Variants in ANKDD1B observed in about 807,000 individuals in gnomAD.
ANKDD1B encodes ankyrin repeat and death domain containing 1B.
ANKDD1B carries 57 observed loss-of-function variants against 59.7 expected under a neutral mutation model. That is an observed-to-expected ratio of 0.95 (90% CI 0.77 to 1.19). ANKDD1B has a LOEUF of 1.19. Among genes scored for constraint, ANKDD1B ranks in the 50% most tolerant of loss-of-function variants. ANKDD1B has a pLI of 0.00. For missense variants in ANKDD1B, 602 were observed against 641.9 expected, an observed-to-expected ratio of 0.94 and a Z score of 0.67; for synonymous variants, 216 against 239.5, an observed-to-expected ratio of 0.90 and a Z score of 0.91.
At chr5:75,627,998 T>G (rs2112968721) in intron 5 of ANKDD1B, among the ~76,000 whole-genome samples, 1 of 152,328 alleles carries the variant, frequency 6.6e-6, no homozygotes, top group South Asian at 2.1e-4. Context: ...TGCAAGATCT[T>G]AAACTGAGTT....
intron 12 of ANKDD1B, 60 bp downstream of exon 12, chr5:75,667,053 C>G: frequency 8.6e-7 from 1 of 1,161,338 alleles, no homozygotes; most frequent in South Asian, 2.0e-5. Flanking sequence ...AGCAGTGCCT[C>G]CTGGTGTGAG....
chr5:75,652,714 C>G (rs1378758688), intron 7 of ANKDD1B, among the ~76,000 whole-genome samples: 8 of 152,238 alleles, frequency 5.3e-5, no homozygotes, highest in African/African-American at 1.9e-4. Flanking sequence ...GCTAGAATTG[C>G]AGGCATGAGC....
intron 8 of ANKDD1B, among the ~76,000 whole-genome samples, chr5:75,655,142 G>C (rs987595046): frequency 6.6e-6 from 1 of 152,204 alleles, no homozygotes; most frequent in African/African-American, 2.4e-5. Flanking sequence ...CAGCACAGGA[G>C]CCTGGAGGCA....
At chr5:75,619,546 G>A (rs1240641062) in intron 2 of ANKDD1B, among the ~76,000 whole-genome samples, 1 of 152,060 alleles carries the variant, frequency 6.6e-6, no homozygotes, top group African/African-American at 2.4e-5. Context: ...ATATTTAAAT[G>A]GTTCTCATTT....
At chr5:75,652,171 T>C (rs1294480633) in intron 7 of ANKDD1B, among the ~76,000 whole-genome samples, 1 of 152,202 alleles carries the variant, frequency 6.6e-6, no homozygotes, top group East Asian at 1.9e-4. Context: ...AAATACTTTG[T>C]AGCAGTCTTA....
chr5:75,658,074 G>A lies in ANKDD1B; in HGVS notation c.997-1209G>A, dbSNP rs1302544132. Among the ~76,000 whole-genome samples the A allele has an allele frequency of 2.0e-5, 3 of 151,798 alleles. No homozygotes were observed. In the East Asian group the frequency reaches 5.8e-4, roughly 29 times the overall value. ...AAAAAAAAAAAAATTAGTAGAGCCT[G>A]TAGTCTCAGCTACTCAGGAAACTGA... On this transcript the variant is annotated intron_variant, in intron 9 of 13. Coordinates refer to ENST00000601380, the MANE Select transcript of ANKDD1B (RefSeq NM_001276713.2).
At chr5:75,632,451 A>G (rs116202218) in intron 5 of ANKDD1B, among the ~76,000 whole-genome samples, 1,788 of 152,302 alleles carry the variant, frequency 0.012, 30 homozygotes, top group African/African-American at 0.041. Context: ...TGATGGCTCT[A>G]GAATAAAAAT....
intron 10 of ANKDD1B, among the ~76,000 whole-genome samples, chr5:75,660,377 T>G (rs937982973): frequency 1.3e-5 from 2 of 152,274 alleles, no homozygotes; most frequent in African/African-American, 4.8e-5. Flanking sequence ...CTTAGTTCAC[T>G]TAGCGTAACG....
chr5:75,635,753 G>A, intron 6 of ANKDD1B, 31 bp from the exon 7 acceptor site: 1 of 1,393,822 alleles, frequency 7.2e-7, no homozygotes, highest in Non-Finnish European at 9.8e-7. Context: ...CTGGCACAGG[G>A]GTTTCTACGT....
At chr5:75,631,581 C>T (rs184065361) in intron 5 of ANKDD1B, among the ~76,000 whole-genome samples, 2 of 152,266 alleles carry the variant, frequency 1.3e-5, no homozygotes, top group East Asian at 1.9e-4. Context: ...CCTTCTAAGC[C>T]AGGATGGCTC....
intron 12 of ANKDD1B, among the ~76,000 whole-genome samples, chr5:75,668,957 T>C (rs1374106655): frequency 2.6e-5 from 4 of 152,202 alleles, no homozygotes; most frequent in African/African-American, 9.6e-5. Context: ...CACTGGTCTA[T>C]GAGAAGTTGC....
chr5:75,662,725 A>G (rs1416968351), intron 10 of ANKDD1B, among the ~76,000 whole-genome samples: 1 of 152,064 alleles, frequency 6.6e-6, no homozygotes, highest in Non-Finnish European at 1.5e-5. Flanking sequence ...CTAAGTTACC[A>G]TGTGGGCTCC....
Position 75,659,361 on chromosome 5 carries a change from G to A in ANKDD1B, c.1075G>A (p.Asp359Asn). Reference sequence around the variant, plus strand: ...GGAAACCCTGCTGAAGGCAGGCTGTGACTTGAAGGCTGTTGACAAGGTAAG... The same window carrying A: ...GGAAACCCTGCTGAAGGCAGGCTGTAACTTGAAGGCTGTTGACAAGGTAAG... ...LVETLLKAGC[D>N]LKAVDKQGKT... The change falls in exon 10 of 14, where the codon GAC becomes AAC. Residue 359 changes from aspartate (D) to asparagine (N), a missense_variant. Transcript: ENST00000601380. The A allele has an allele frequency of 6.5e-7, 1 of 1,535,918 alleles. No homozygotes were observed. Among genetic ancestry groups the A allele is most frequent in the Non-Finnish European group, 8.7e-7 (1 of 1,146,704 alleles).
In ANKDD1B at chr5:75,659,467, A is replaced by C. The variant is rs1415609499; in HGVS notation, c.1095+86A>C. 3.2e-6 allele frequency: 3 copies of C among 952,170 alleles called. No individual in the cohort carries two copies. In the Admixed American group the frequency reaches 6.0e-5, roughly 19 times the overall value. 59.0% of individuals were successfully genotyped at this position (952,170 alleles called of 1,614,324 possible). A position where few individuals can be genotyped will look rare whatever the true frequency, so the allele number is the denominator to read the frequency against. ...GTCAGCCTTGAGCAGCGTTATTGGAATATCCTTTGTGAAATGGGCACAAAC... is the reference window on the plus strand; with the variant it reads ...GTCAGCCTTGAGCAGCGTTATTGGACTATCCTTTGTGAAATGGGCACAAAC... On this transcript the variant is annotated intron_variant, in intron 10 of 13. Coordinates refer to ENST00000601380, the MANE Select transcript of ANKDD1B (RefSeq NM_001276713.2).
chr5:75,611,830 G>A lies in ANKDD1B; in HGVS notation c.193+3G>A. The A allele has an allele frequency of 8.1e-7, 1 of 1,231,858 alleles. No homozygotes were observed. 76.3% of individuals were successfully genotyped at this position (1,231,858 alleles called of 1,614,324 possible). On this transcript the variant is annotated splice_donor_region_variant and intron_variant, in intron 1 of 13. Transcript: ENST00000601380. ...AGCAGTTGCCGGACACGAGCTCCGT[G>A]AGTCCCGGGACGAGGTCTCAGAAAA...
At chr5:75,657,899 GAAA>G (rs772314604) in intron 9 of ANKDD1B, among the ~76,000 whole-genome samples, 1 of 108,090 alleles carries the variant, frequency 9.3e-6, no homozygotes, top group Non-Finnish European at 2.0e-5. Flanking sequence ...TCCATCTCAA[GAAA>G]AAAAAAAAAA....
chr5:75,669,700 C>T (rs1461598552), intron 13 of ANKDD1B, among the ~76,000 whole-genome samples: 1 of 152,040 alleles, frequency 6.6e-6, no homozygotes, highest in Non-Finnish European at 1.5e-5. Flanking sequence ...GCTAAACTAT[C>T]CCATACAGTT....
chr5:75,617,364 T>C (rs1274001191), intron 2 of ANKDD1B, among the ~76,000 whole-genome samples: 4 of 152,236 alleles, frequency 2.6e-5, no homozygotes, highest in African/African-American at 9.6e-5. Context: ...ATTTTCATTA[T>C]ACTGGTTTTG....
chr5:75,612,135 T>TCC (rs922532364), intron 1 of ANKDD1B, among the ~76,000 whole-genome samples: 4 of 152,210 alleles, frequency 2.6e-5, no homozygotes, highest in African/African-American at 9.7e-5. Flanking sequence ...TGCTCTTATC[T>TCC]CCTATATCGT....
Sources: gnomAD v4.1 joint callset for allele counts (sites outside exome capture counted in the v4.1 genomes callset) on GRCh38, gnomAD v4.1.1 for gene constraint, MANE v1.5 for transcripts, NCBI Gene and HGNC (gene_info 2026-07-23, HGNC 2026-07-21) for gene names.